NCOA1: variants seen among roughly 807,000 people sequenced by gnomAD.
NCOA1 encodes the protein nuclear receptor coactivator 1.
Under a neutral mutation model 150.9 loss-of-function variants are expected in NCOA1, and 35 were observed. The ratio of observed to expected loss-of-function variants is 0.23; its 90% confidence interval spans 0.18 to 0.31. NCOA1 has a LOEUF of 0.31. Ranked by LOEUF, NCOA1 falls within the 10% of genes least tolerant of loss-of-function variation. The pLI is 1.00. For missense variants in NCOA1, 1,491 were observed against 1,749.3 expected (o/e 0.85, Z 2.63); for synonymous variants, 590 against 630.0 (o/e 0.94, Z 0.95).
intron 1 of NCOA1, among the ~76,000 whole-genome samples, chr2:24,531,885 T>C (rs1392252892): frequency 6.6e-6 from 1 of 152,240 alleles, no homozygotes; most frequent in Non-Finnish European, 1.5e-5. Context: ...GTTCCAAGTC[T>C]TTGCTATTGT....
At chr2:24,755,563 A>G (rs1389250787) in intron 20 of NCOA1, among the ~76,000 whole-genome samples, 1 of 152,248 alleles carries the variant, frequency 6.6e-6, no homozygotes, top group African/African-American at 2.4e-5. Context: ...GATAGCTGCT[A>G]CAAAGCAGGC....
At chr2:24,762,882 G>C in intron 22 of NCOA1, 106 bp downstream of exon 22, 2 of 954,786 alleles carry the variant, frequency 2.1e-6, no homozygotes, top group Non-Finnish European at 3.3e-6. Context: ...AGACCTGGGT[G>C]TGAGTCCTGG....
chr2:24,636,737 T>C (rs933385112), intron 3 of NCOA1, among the ~76,000 whole-genome samples: 1 of 152,184 alleles, frequency 6.6e-6, no homozygotes, highest in Non-Finnish European at 1.5e-5. Flanking sequence ...TATAAAATAC[T>C]AGCTGTAGGT....
chr2:24,703,161 T>C (rs10186719), intron 11 of NCOA1, among the ~76,000 whole-genome samples: 2 of 152,190 alleles, frequency 1.3e-5, no homozygotes, highest in African/African-American at 4.8e-5. Context: ...ATGAGTTGAC[T>C]GAGATGGGTG....
intron 4 of NCOA1, among the ~76,000 whole-genome samples, chr2:24,648,981 A>G (rs1247201918): frequency 1.3e-5 from 2 of 151,918 alleles, no homozygotes; most frequent in African/African-American, 4.8e-5. Context: ...GCAGATCTTC[A>G]TTTTCTTTTG....
chr2:24,677,360 A>G (rs1385728028), intron 7 of NCOA1, among the ~76,000 whole-genome samples: 7 of 151,932 alleles, frequency 4.6e-5, no homozygotes, highest in Non-Finnish European at 8.8e-5. Context: ...AAAAAAACAA[A>G]CAAACAAAAA....
At chr2:24,548,408 A>T (rs552291938) in intron 1 of NCOA1, among the ~76,000 whole-genome samples, 67 of 152,364 alleles carry the variant, frequency 4.4e-4, no homozygotes, top group African/African-American at 1.6e-3. Context: ...GGAATTCAAG[A>T]TGAGATTTGG....
At chr2:24,684,270 T>C (rs1672304892) in intron 8 of NCOA1, among the ~76,000 whole-genome samples, 1 of 152,222 alleles carries the variant, frequency 6.6e-6, no homozygotes. Context: ...AAAAAACTAA[T>C]TTAATTTTAG....
intron 2 of NCOA1, among the ~76,000 whole-genome samples, chr2:24,566,101 C>T (rs1000716266): frequency 2.6e-4 from 40 of 152,118 alleles, no homozygotes; most frequent in African/African-American, 9.7e-4. Flanking sequence ...TTGATATGTC[C>T]CGAGTTCTTG....
chr2:24,555,428 G>C (rs1234651264), intron 1 of NCOA1, among the ~76,000 whole-genome samples: 2 of 152,138 alleles, frequency 1.3e-5, no homozygotes, highest in Non-Finnish European at 2.9e-5. Context: ...AAAGAACATA[G>C]TTTTTGCTCG....
chr2:24,694,946 G>A (rs1009266378), intron 10 of NCOA1, among the ~76,000 whole-genome samples: 2 of 151,908 alleles, frequency 1.3e-5, no homozygotes, highest in Non-Finnish European at 2.9e-5. Context: ...AACCAAATAA[G>A]GGCTTTGTGA....
chr2:24,589,928 C>A (rs1254765247), intron 3 of NCOA1, among the ~76,000 whole-genome samples: 1 of 152,222 alleles, frequency 6.6e-6, no homozygotes, highest in African/African-American at 2.4e-5. Context: ...GGCTATAATT[C>A]ATATTTTTTC....
chr2:24,511,085 G>C (rs2148107684), intron 1 of NCOA1, among the ~76,000 whole-genome samples: 1 of 152,234 alleles, frequency 6.6e-6, no homozygotes, highest in African/African-American at 2.4e-5. Flanking sequence ...TTTCATGTAA[G>C]TGAAATCATA....
chr2:24,515,389 T>C (rs377152040), intron 1 of NCOA1, among the ~76,000 whole-genome samples: 105 of 152,090 alleles, frequency 6.9e-4, no homozygotes, highest in African/African-American at 2.4e-3. Flanking sequence ...CACACTACCA[T>C]GCCCAGCTAA....
chr2:24,608,748 G>A (rs1304835604), intron 3 of NCOA1, among the ~76,000 whole-genome samples: 1 of 108,404 alleles, frequency 9.2e-6, no homozygotes, highest in Non-Finnish European at 1.8e-5. Context: ...TCCTCTTTCT[G>A]TCCAGGGTTC....
rs145716173 is a variant in NCOA1 at position 24,743,117 on chromosome 2, G to A, written c.3706+931G>A. On this transcript the variant is annotated intron_variant, in intron 19 of 22. Coordinates refer to ENST00000348332, the MANE Select transcript of NCOA1 (RefSeq NM_003743.5). ...GATGAACATCTGATTAGTCTACTCT[G>A]TTTAATCAAACTTTTATGCAAAATT... is the stretch of plus-strand genomic sequence containing the variant. Among the ~76,000 whole-genome samples, 25 of 152,226 alleles carry A rather than the reference G, an allele frequency of 1.6e-4. No homozygotes were observed. In the East Asian group the frequency reaches 4.4e-3, roughly 27 times the overall value.
At chr2:24,636,270 T>C (rs1299346064) in intron 3 of NCOA1, among the ~76,000 whole-genome samples, 2 of 152,176 alleles carry the variant, frequency 1.3e-5, no homozygotes, top group African/African-American at 2.4e-5. Flanking sequence ...TTTTGTGTCT[T>C]TCAGCAAAGT....
chr2:24,502,414 A>G (rs1388412815), intron 1 of NCOA1, among the ~76,000 whole-genome samples: 3 of 152,180 alleles, frequency 2.0e-5, no homozygotes, highest in East Asian at 1.9e-4. Context: ...TGGTCAAACA[A>G]TTAATTAATT....
At chr2:24,618,700 C>T (rs1668985080) in intron 3 of NCOA1, among the ~76,000 whole-genome samples, 1 of 152,028 alleles carries the variant, frequency 6.6e-6, no homozygotes, top group Non-Finnish European at 1.5e-5. Flanking sequence ...CTTGCCCTTG[C>T]TGGGTGTATG....
Sources: allele counts gnomAD v4.1 joint callset (sites outside exome capture counted in the v4.1 genomes callset), GRCh38; gene constraint gnomAD v4.1.1; transcripts MANE v1.5; gene names NCBI Gene and HGNC (gene_info 2026-07-23, HGNC 2026-07-21).